Variants in NFIB observed in about 807,000 individuals in gnomAD.
NFIB encodes nuclear factor 1 B-type.
Under a neutral mutation model 61.5 loss-of-function variants are expected in NFIB, and 11 were observed. That is an observed-to-expected ratio of 0.18 (90% CI 0.11 to 0.30). NFIB has a LOEUF of 0.30. NFIB is among the 10% of genes least tolerant of loss of function. NFIB has a pLI of 1.00. For synonymous variants in NFIB, 260 were observed against 216.5 expected (o/e 1.20, Z -1.76); for missense variants, 471 against 608.9 (o/e 0.77, Z 2.38).
intron 3 of NFIB, among the ~76,000 whole-genome samples, chr9:14,158,277 T>C (rs1013993772): frequency 6.6e-6 from 1 of 152,154 alleles, no homozygotes; most frequent in Non-Finnish European, 1.5e-5. Context: ...TGAGATGAGA[T>C]GGCCCTCTTT....
At chr9:14,332,394 G>A (rs902967683) in intron 1 of NFIB, among the ~76,000 whole-genome samples, 1 of 151,456 alleles carries the variant, frequency 6.6e-6, no homozygotes, top group African/African-American at 2.4e-5. Context: ...CAAGAGAGAT[G>A]GATATAAAGT....
chr9:14,182,277 C>T (rs2046865127), intron 2 of NFIB, among the ~76,000 whole-genome samples: 1 of 152,122 alleles, frequency 6.6e-6, no homozygotes, highest in Admixed American at 6.6e-5. Context: ...CTAAAATGAT[C>T]TGGTGTTTAC....
At chr9:14,242,689 A>G (rs1261894733) in intron 2 of NFIB, among the ~76,000 whole-genome samples, 1 of 152,230 alleles carries the variant, frequency 6.6e-6, no homozygotes, top group Non-Finnish European at 1.5e-5. Context: ...TCTTATGCAT[A>G]TCTTATCATG....
chr9:14,378,389 G>T (rs532079270), intron 1 of NFIB, among the ~76,000 whole-genome samples: 2 of 151,688 alleles, frequency 1.3e-5, no homozygotes, highest in East Asian at 1.9e-4. Flanking sequence ...ATGGAGTCTC[G>T]CTCTGTCACC....
chr9:14,426,601 A>G, the NFIB span, among the ~76,000 whole-genome samples: 2 of 152,182 alleles, frequency 1.3e-5, no homozygotes, highest in Non-Finnish European at 2.9e-5. Context: ...AATGTTTGTA[A>G]GTCTTTATAT....
chr9:14,454,835 G>A, the NFIB span, among the ~76,000 whole-genome samples: 1 of 152,164 alleles, frequency 6.6e-6, no homozygotes, highest in South Asian at 2.1e-4. Flanking sequence ...GTGTCATTCT[G>A]AGCAGAAGCT....
At chr9:14,194,637 G>A (rs1410225694) in intron 2 of NFIB, among the ~76,000 whole-genome samples, 2 of 152,182 alleles carry the variant, frequency 1.3e-5, no homozygotes, top group East Asian at 1.9e-4. Flanking sequence ...TATGATTTAA[G>A]AATTATGCCA....
intron 3 of NFIB, among the ~76,000 whole-genome samples, chr9:14,178,527 A>G (rs2046406485): frequency 6.6e-6 from 1 of 152,150 alleles, no homozygotes. Flanking sequence ...GTTTAATTAG[A>G]ACTTTTTATC....
rs1455111359 is a variant in NFIB, at chr9:14,084,267, G to C, written c.*4042C>G. 5.0e-6 allele frequency: 1 copy of C among 201,690 alleles called. No homozygotes were observed. The highest frequency in any genetic ancestry group is 1.0e-5 in the Non-Finnish European group (1 of 97,924). The allele number at this position is 201,690 out of a possible 1,614,324, so 12.5% of individuals were successfully genotyped here. A position where few individuals can be genotyped will look rare whatever the true frequency, so the allele number is the denominator to read the frequency against. On this transcript the variant is annotated 3_prime_UTR_variant, in exon 11 of 11. Transcript: ENST00000380953. ...ATAGTTCCATTATAATTGTTAAAAAGTTAGCTTTACAAACATGGGAATTTT... is the reference window on the plus strand; with the variant it reads ...ATAGTTCCATTATAATTGTTAAAAACTTAGCTTTACAAACATGGGAATTTT...
At chr9:14,478,242 A>T in the NFIB span, among the ~76,000 whole-genome samples, 1 of 152,122 alleles carries the variant, frequency 6.6e-6, no homozygotes, top group African/African-American at 2.4e-5. Context: ...ATTTAAAATC[A>T]CTCATTAACG....
chr9:14,441,989 G>A, the NFIB span, among the ~76,000 whole-genome samples: 2 of 152,128 alleles, frequency 1.3e-5, no homozygotes, highest in Non-Finnish European at 2.9e-5. Flanking sequence ...TAATACGGCA[G>A]GCACTGTGCT....
chr9:14,138,804 C>T (rs1054775966), intron 6 of NFIB, among the ~76,000 whole-genome samples: 1 of 152,058 alleles, frequency 6.6e-6, no homozygotes, highest in African/African-American at 2.4e-5. Flanking sequence ...AAACTCTTCC[C>T]CACATTTATT....
chr9:14,230,007 T>C (rs77907688), intron 2 of NFIB, among the ~76,000 whole-genome samples: 2,792 of 152,288 alleles, frequency 0.018, 101 homozygotes, highest in African/African-American at 0.062. Flanking sequence ...TTCTCCAATG[T>C]CGTTCATGGC....
chr9:14,208,316 T>C (rs1224444791), intron 2 of NFIB, among the ~76,000 whole-genome samples: 1 of 152,136 alleles, frequency 6.6e-6, no homozygotes, highest in Non-Finnish European at 1.5e-5. Flanking sequence ...CAATTGGCAA[T>C]CCTTCCGACA....
chr9:14,132,993 A>C (rs1184451162), intron 6 of NFIB, among the ~76,000 whole-genome samples: 1 of 152,092 alleles, frequency 6.6e-6, no homozygotes, highest in Non-Finnish European at 1.5e-5. Context: ...TATGATACTG[A>C]CCAGAGGAGT....
At chr9:14,433,053 TA>T in the NFIB span, among the ~76,000 whole-genome samples, 1 of 152,128 alleles carries the variant, frequency 6.6e-6, no homozygotes, top group Admixed American at 6.5e-5. Flanking sequence ...TTAGGGGCAT[TA>T]AAAAACACCT....
intron 1 of NFIB, among the ~76,000 whole-genome samples, chr9:14,329,052 T>C (rs1472185561): frequency 6.6e-6 from 1 of 152,220 alleles, no homozygotes; most frequent in Non-Finnish European, 1.5e-5. Context: ...GTCTCCACAG[T>C]CCCCTTTGCC....
At chr9:14,237,542 G>A (rs972478207) in intron 2 of NFIB, among the ~76,000 whole-genome samples, 1 of 152,082 alleles carries the variant, frequency 6.6e-6, no homozygotes, top group Non-Finnish European at 1.5e-5. Flanking sequence ...CACTGCTCAT[G>A]ATTACTACTC....
chr9:14,333,278 G>T (rs188643588), intron 1 of NFIB, among the ~76,000 whole-genome samples: 2 of 152,186 alleles, frequency 1.3e-5, no homozygotes, highest in Non-Finnish European at 2.9e-5. Context: ...AGATTTGTGT[G>T]CATAGAGAAT....
Sources: allele counts gnomAD v4.1 joint callset (sites outside exome capture counted in the v4.1 genomes callset), GRCh38; gene constraint gnomAD v4.1.1; transcripts MANE v1.5; gene names NCBI Gene and HGNC (gene_info 2026-07-23, HGNC 2026-07-21).